The following TRPV1 variants were observed in gnomAD, a reference collection of about 807,000 sequenced individuals.
The protein encoded by TRPV1 is OTRPC1.
A neutral mutation model predicts 82.3 loss-of-function variants in TRPV1; 82 were observed. The ratio of observed to expected loss-of-function variants is 1.00; its 90% CI spans 0.83 to 1.20. The LOEUF (loss-of-function observed/expected upper bound fraction) is 1.20. TRPV1 is among the 50% of genes most tolerant of loss of function. The pLI, the probability that TRPV1 is intolerant of heterozygous loss-of-function variation, is 0.00. For missense variants in TRPV1, 1,067 were observed against 1,096.8 expected (o/e 0.97, Z 0.38); for synonymous variants, 515 against 467.7 (o/e 1.10, Z -1.30).
chr17:3,569,016 G>A (rs1372519132), intron 16 of TRPV1, among the ~76,000 whole-genome samples: 3 of 151,274 alleles, frequency 2.0e-5, no homozygotes, highest in African/African-American at 4.9e-5. Flanking sequence ...CTATTGCAAG[G>A]ACAAAAAACG....
At chr17:3,575,461 CGACA>C (rs1049317667) in intron 13 of TRPV1, among the ~76,000 whole-genome samples, 5 of 148,266 alleles carry the variant, frequency 3.4e-5, no homozygotes, top group South Asian at 4.4e-4. Flanking sequence ...CCAGCCTGGG[CGACA>C]GACAGAGACT....
intron 9 of TRPV1, 89 bp from the exon 10 acceptor site, chr17:3,583,519 C>G: frequency 9.2e-7 from 1 of 1,087,056 alleles, no homozygotes; most frequent in Non-Finnish European, 1.4e-6. Flanking sequence ...TAGTCCCTGC[C>G]CAGGAGGCAC....
chr17:3,602,361 TG>T (rs2075269773), intron 2 of TRPV1: 1 of 152,282 alleles, frequency 6.6e-6, no homozygotes, highest in Non-Finnish European at 1.5e-5. Flanking sequence ...GCGTGGTTTT[TG>T]GCTTTATCTG....
intron 11 of TRPV1, 66 bp downstream of exon 11, chr17:3,580,391 C>A: frequency 6.4e-7 from 1 of 1,562,948 alleles, no homozygotes; most frequent in Non-Finnish European, 8.8e-7. Context: ...GTGAGTGAGA[C>A]CTCAAGTGAG....
intron 2 of TRPV1, among the ~76,000 whole-genome samples, chr17:3,597,414 G>A (rs1002742364): frequency 6.6e-6 from 1 of 152,136 alleles, no homozygotes; most frequent in South Asian, 2.1e-4. Flanking sequence ...TAACTGTTCC[G>A]TTTTCAAAAT....
chr17:3,590,099 A>T lies in TRPV1; in HGVS notation c.752T>A (p.Leu251Gln). 1 of 1,605,286 alleles carries T rather than the reference A, an allele frequency of 6.2e-7. No individual in the cohort carries two copies. The highest frequency in any genetic ancestry group is 8.5e-7 in the Non-Finnish European group (1 of 1,174,968). ...GGTGCACGCGGCCAGGGACAGGGGC[A>T]GTTCACCTGCATGAACACAGGGCCC... ...KGRPGFYFGE[L>Q]PLSLAACTNQ... is the part of the protein sequence containing the mutation. Residue 251 changes from leucine (L) to glutamine (Q), a missense_variant, in exon 7 of 17, where the codon CTG becomes CAG. Coordinates refer to ENST00000572705, the MANE Select transcript of TRPV1 (RefSeq NM_080704.4).
chr17:3,599,026 G>A (rs2075243059), intron 2 of TRPV1, among the ~76,000 whole-genome samples: 1 of 150,554 alleles, frequency 6.6e-6, no homozygotes, highest in Non-Finnish European at 1.5e-5. Context: ...ATCACCTGAG[G>A]TCAGGAGTTT....
chr17:3,584,402 C>CAAGAAAAAAAAAAAAAAAAAA (rs2075057678), intron 9 of TRPV1, among the ~76,000 whole-genome samples: 1 of 16,746 alleles, frequency 6.0e-5, no homozygotes, highest in African/African-American at 2.3e-4. Flanking sequence ...GACTCTGTCT[C>CAAGAAAAAAAAAAAAAAAAAA]AAAAAAAAAA....
chr17:3,577,257 G>A, intron 12 of TRPV1, 65 bp from the exon 13 acceptor site: 2 of 1,513,386 alleles, frequency 1.3e-6, no homozygotes, highest in Admixed American at 2.0e-5. Context: ...GGAAGGGCCG[G>A]GCCGCATCGG....
At chr17:3,576,170 T>C (rs933511932) in intron 13 of TRPV1, among the ~76,000 whole-genome samples, 1 of 151,714 alleles carries the variant, frequency 6.6e-6, no homozygotes, top group Non-Finnish European at 1.5e-5. Context: ...TGTAGTGAGC[T>C]GAGATGGCGC....
chr17:3,588,497 C>A, intron 7 of TRPV1, 130 bp from the exon 8 acceptor site: 2 of 1,009,026 alleles, frequency 2.0e-6, no homozygotes, highest in Non-Finnish European at 2.9e-6. Flanking sequence ...TCCCCACCCA[C>A]TCCTGACCAC....
intron 8 of TRPV1, among the ~76,000 whole-genome samples, chr17:3,586,322 T>A (rs1452475679): frequency 6.6e-6 from 1 of 152,214 alleles, no homozygotes; most frequent in East Asian, 1.9e-4. Context: ...AAAGAGCCTC[T>A]GGGTCCTCAC....
intron 2 of TRPV1, among the ~76,000 whole-genome samples, chr17:3,598,466 C>T (rs2075237729): frequency 1.3e-5 from 2 of 151,884 alleles, no homozygotes; most frequent in South Asian, 4.2e-4. Context: ...ATTAGACAAC[C>T]GATAATTAGA....
rs2074761755 is a variant in TRPV1, at chr17:3,566,260, G to A, written c.*555C>T. Reference sequence around the variant, plus strand: ...AATCCCAGCACTTTGGGAGGCCGAGGTGGGCGGATCACCTGAGGTCAGGAG... The same window carrying A: ...AATCCCAGCACTTTGGGAGGCCGAGATGGGCGGATCACCTGAGGTCAGGAG... On this transcript the variant is annotated 3_prime_UTR_variant, in exon 17 of 17. Transcript: ENST00000572705. 6.6e-6 allele frequency: 1 copy of A among 151,820 alleles called. No individual in the cohort carries two copies. Among genetic ancestry groups the A allele is most frequent in the African/African-American group, 2.4e-5 (1 of 41,282 alleles). The allele number at this position is 151,820 out of a possible 1,614,324, so 9.4% of individuals were successfully genotyped here. A position where few individuals can be genotyped will look rare whatever the true frequency, so the allele number is the denominator to read the frequency against.
intron 8 of TRPV1, among the ~76,000 whole-genome samples, chr17:3,587,869 T>G (rs1188473972): frequency 6.6e-6 from 1 of 150,730 alleles, no homozygotes; most frequent in Non-Finnish European, 1.5e-5. Context: ...AAAAAAAGGT[T>G]GTTGTACATT....
intron 16 of TRPV1, among the ~76,000 whole-genome samples, chr17:3,568,523 T>C (rs2074806078): frequency 6.6e-6 from 1 of 152,032 alleles, no homozygotes; most frequent in South Asian, 2.1e-4. Context: ...GAAAAACCAA[T>C]GGAACCCTCG....
intron 9 of TRPV1, 52 bp downstream of exon 9, chr17:3,585,716 C>T: frequency 1.3e-6 from 2 of 1,579,778 alleles, no homozygotes; most frequent in Non-Finnish European, 1.7e-6. Flanking sequence ...TGTCCACACC[C>T]CTTCCCCACC....
At chr17:3,590,452 G>C in intron 5 of TRPV1, 60 bp from the exon 6 acceptor site, 1 of 1,591,422 alleles carries the variant, frequency 6.3e-7, no homozygotes, top group Non-Finnish European at 8.6e-7. Context: ...GCCGGGACAG[G>C]TGCTGGGGAA....
At chr17:3,593,498 G>A (rs989182189) in intron 2 of TRPV1, among the ~76,000 whole-genome samples, 25 of 152,012 alleles carry the variant, frequency 1.6e-4, no homozygotes. Context: ...TGGCACCCAG[G>A]GGTGGCCCAT....
Sources: gnomAD v4.1 joint callset for allele counts (sites outside exome capture counted in the v4.1 genomes callset) on GRCh38, gnomAD v4.1.1 for gene constraint, MANE v1.5 for transcripts, NCBI Gene and HGNC (gene_info 2026-07-23, HGNC 2026-07-21) for gene names.